Variants in CSMD2 observed in about 807,000 individuals in gnomAD.
CSMD2 encodes the protein CUB and sushi domain-containing protein 2.
CSMD2 carries 130 observed loss-of-function variants against 398.5 expected under a neutral mutation model. The observed-to-expected ratio is 0.33, with a 90% confidence interval of 0.28 to 0.38. The LOEUF (loss-of-function observed/expected upper bound fraction) is 0.38, where lower values mean the gene tolerates loss of function less well. Among genes scored for constraint, CSMD2 ranks in the 10% least tolerant of loss-of-function variants. CSMD2 has a pLI of 1.00. For missense variants in CSMD2, 3,829 were observed against 4,764.9 expected (o/e 0.80, Z 5.78); for synonymous variants, 1,828 against 1,908.5 (o/e 0.96, Z 1.10).
chr1:34,009,976 T>G (rs1275421125), intron 3 of CSMD2, among the ~76,000 whole-genome samples: 1 of 152,166 alleles, frequency 6.6e-6, no homozygotes, highest in Non-Finnish European at 1.5e-5. Flanking sequence ...CATTCTCCCT[T>G]CAGCAGCCAG....
intron 3 of CSMD2, among the ~76,000 whole-genome samples, chr1:34,027,086 T>A (rs1242188548): frequency 3.3e-5 from 5 of 152,152 alleles, no homozygotes; most frequent in African/African-American, 1.2e-4. Flanking sequence ...AATTAAAATG[T>A]AAAATGAGTG....
rs762634602 is a variant in CSMD2 at position 33,984,836 on chromosome 1, G to GAGGA, written c.517+47754_517+47757dup. ...GAAGGGAGGGAGGGAAGGAGGGAAGGAGGAAGGAAGGAAGGAAGGAAGGAA... is the reference window on the plus strand; with the variant it reads ...GAAGGGAGGGAGGGAAGGAGGGAAGGAGGAAGGAAGGAAGGAAGGAAGGAAGGAA... On this transcript the variant is annotated intron_variant, in intron 3 of 70. Transcript: ENST00000373381. Among the ~76,000 whole-genome samples the GAGGA allele has an allele frequency of 9.2e-3, 1,373 of 148,884 alleles. 24 individuals carry two copies. The highest frequency in any genetic ancestry group is 0.063 in the South Asian group (279 of 4,444).
intron 25 of CSMD2, among the ~76,000 whole-genome samples, chr1:33,676,741 G>A (rs986545859): frequency 6.6e-6 from 1 of 152,160 alleles, no homozygotes; most frequent in Admixed American, 6.5e-5. Context: ...AAAACAGCAT[G>A]GTACTGGTAC....
intron 32 of CSMD2, among the ~76,000 whole-genome samples, chr1:33,630,218 ACT>A (rs1010930886): frequency 2.0e-5 from 3 of 151,562 alleles, no homozygotes; most frequent in Non-Finnish European, 2.9e-5. Context: ...CCTTACTATA[ACT>A]CTAAATCTAT....
chr1:33,533,848 G>C lies in CSMD2; in HGVS notation c.9939C>G (p.Thr3313=). ...QKGYLLQGST[T]RTCLPNLTWS... Reference sequence around the variant, plus strand: ...AGGTCAGGTTTGGGAGGCAGGTCCTGGTGGTGGAGCCCTGAAGCAGGTAGC... The same window carrying C: ...AGGTCAGGTTTGGGAGGCAGGTCCTCGTGGTGGAGCCCTGAAGCAGGTAGC... Residue 3313 remains threonine, a synonymous_variant, in exon 63 of 71, where the codon ACC becomes ACG. Coordinates refer to ENST00000373381, the MANE Select transcript of CSMD2 (RefSeq NM_001281956.2). This position sits in a 1 kb window ranked among gnomAD's most constrained non-coding sequence, Gnocchi z 4.2. 6.2e-7 allele frequency: 1 copy of C among 1,614,084 alleles called. No individual in the cohort carries two copies. The highest frequency in any genetic ancestry group is 8.5e-7 in the Non-Finnish European group (1 of 1,179,950).
At chr1:33,591,774 A>G (rs570570319) in intron 44 of CSMD2, 5 of 150,818 alleles carry the variant, frequency 3.3e-5, no homozygotes, top group African/African-American at 1.2e-4. Flanking sequence ...ACAGGCATGC[A>G]CCACCACACC....
intron 5 of CSMD2, among the ~76,000 whole-genome samples, chr1:33,905,827 A>G (rs1570459115): frequency 6.6e-6 from 1 of 152,354 alleles, no homozygotes; most frequent in South Asian, 2.1e-4. Flanking sequence ...CTACAGAAGC[A>G]TGAGGTGTGG....
intron 12 of CSMD2, among the ~76,000 whole-genome samples, chr1:33,780,557 C>T (rs1357838677): frequency 6.6e-6 from 1 of 152,238 alleles, no homozygotes; most frequent in Non-Finnish European, 1.5e-5. Flanking sequence ...GAGGTAGCCT[C>T]CAAGCTGTCT....
intron 25 of CSMD2, among the ~76,000 whole-genome samples, chr1:33,667,662 C>T (rs993823973): frequency 2.0e-5 from 3 of 152,078 alleles, no homozygotes; most frequent in African/African-American, 7.2e-5. Context: ...ATTAAAAATG[C>T]CAGTTGATTG....
intron 3 of CSMD2, among the ~76,000 whole-genome samples, chr1:33,945,838 G>A (rs1419336834): frequency 6.6e-6 from 1 of 152,020 alleles, no homozygotes; most frequent in Non-Finnish European, 1.5e-5. Context: ...CCTAGCCCAG[G>A]GATGATCAAA....
chr1:34,026,867 A>C (rs1046601416), intron 3 of CSMD2, among the ~76,000 whole-genome samples: 1 of 152,184 alleles, frequency 6.6e-6, no homozygotes, highest in East Asian at 1.9e-4. Context: ...GGAGTGACAC[A>C]TGGCAAGCAT....
chr1:34,137,565 T>C (rs9426004), intron 1 of CSMD2, among the ~76,000 whole-genome samples: 47,675 of 151,954 alleles, frequency 0.31, 8,679 homozygotes, highest in Non-Finnish European at 0.41. Flanking sequence ...CCTTCACCCT[T>C]CTGCCTTTGA....
chr1:33,792,169 C>G (rs924085162), intron 11 of CSMD2, among the ~76,000 whole-genome samples: 5 of 152,170 alleles, frequency 3.3e-5, no homozygotes, highest in African/African-American at 7.2e-5. Flanking sequence ...CACAAAACCT[C>G]GATCTCCCCT....
At chr1:33,751,890 G>T (rs1042200730) in intron 13 of CSMD2, among the ~76,000 whole-genome samples, 8 of 152,070 alleles carry the variant, frequency 5.3e-5, no homozygotes, top group African/African-American at 1.9e-4. Flanking sequence ...CTCCCAAAGT[G>T]CTGGGATTAC....
intron 15 of CSMD2, among the ~76,000 whole-genome samples, chr1:33,733,050 T>C (rs1646771915): frequency 6.6e-6 from 1 of 152,192 alleles, no homozygotes. Flanking sequence ...CTCCAGAGCC[T>C]GCATTTTTAA....
intron 6 of CSMD2, among the ~76,000 whole-genome samples, chr1:33,827,426 T>G (rs1570145407): frequency 6.6e-6 from 1 of 152,156 alleles, no homozygotes; most frequent in Non-Finnish European, 1.5e-5. Flanking sequence ...CCAAAAGGCC[T>G]TTCCTCAGGT....
At chr1:33,717,682 T>C (rs998568715) in intron 19 of CSMD2, among the ~76,000 whole-genome samples, 4 of 151,512 alleles carry the variant, frequency 2.6e-5, no homozygotes, top group Admixed American at 1.3e-4. Flanking sequence ...CAGCAAATAG[T>C]TGATATCTGA....
At chr1:34,092,714 GGC>G (rs2148380527) in intron 1 of CSMD2, among the ~76,000 whole-genome samples, 2 of 151,620 alleles carry the variant, frequency 1.3e-5, no homozygotes, top group Admixed American at 1.3e-4. Context: ...CTTAAAAAAC[GGC>G]GCACCACGAG....
chr1:33,941,998 C>A (rs1644690620), intron 3 of CSMD2, among the ~76,000 whole-genome samples: 1 of 151,984 alleles, frequency 6.6e-6, no homozygotes, highest in Admixed American at 6.6e-5. Flanking sequence ...ATTTTTTGGT[C>A]TTTTTTGTTC....
Sources: allele counts gnomAD v4.1 joint callset (sites outside exome capture counted in the v4.1 genomes callset), GRCh38; gene constraint gnomAD v4.1.1; non-coding constraint Gnocchi (gnomAD v3.1); transcripts MANE v1.5; gene names NCBI Gene and HGNC (gene_info 2026-07-23, HGNC 2026-07-21).